The following AKAP13 variants were observed in gnomAD, a reference collection of about 807,000 sequenced individuals.
AKAP13 encodes A-kinase anchoring protein 13, also known as A-kinase anchor protein 13.
A neutral mutation model predicts 264.5 loss-of-function variants in AKAP13; 80 were observed. The observed-to-expected ratio is 0.30, with a 90% CI of 0.25 to 0.36. AKAP13 has a LOEUF of 0.36. Ranked by LOEUF, AKAP13 falls within the 10% of genes least tolerant of loss-of-function variation. AKAP13 has a pLI of 1.00. For missense variants in AKAP13, 3,712 were observed against 3,435.2 expected, an observed-to-expected ratio of 1.08 and a Z score of -2.01; for synonymous variants, 1,380 against 1,250.2, an observed-to-expected ratio of 1.10 and a Z score of -2.19.
At chr15:85,680,001 G>A (rs1156537953) in intron 14 of AKAP13, among the ~76,000 whole-genome samples, 2 of 152,162 alleles carry the variant, frequency 1.3e-5, no homozygotes, top group African/African-American at 4.8e-5. Context: ...CAGTGGAAAA[G>A]TTGAAAATAT....
At chr15:85,694,515 A>T (rs909037836) in intron 17 of AKAP13, among the ~76,000 whole-genome samples, 2 of 152,266 alleles carry the variant, frequency 1.3e-5, no homozygotes, top group Admixed American at 1.3e-4. Flanking sequence ...GTTATGTAAT[A>T]GTTTTTTGAT....
chr15:85,550,376 T>C (rs2077915911), intron 5 of AKAP13, among the ~76,000 whole-genome samples: 3 of 152,206 alleles, frequency 2.0e-5, no homozygotes, highest in Admixed American at 2.0e-4. Flanking sequence ...CCTGACAAGC[T>C]CTAGGTACTC....
At chr15:85,385,850 G>A (rs2150785532) in intron 1 of AKAP13, among the ~76,000 whole-genome samples, 1 of 152,240 alleles carries the variant, frequency 6.6e-6, no homozygotes, top group Middle Eastern at 3.4e-3. Flanking sequence ...TTTCGAGATG[G>A]AGTTTGGCTC....
At chr15:85,381,437 G>T (rs1185811577) in intron 1 of AKAP13, among the ~76,000 whole-genome samples, 5 of 150,832 alleles carry the variant, frequency 3.3e-5, no homozygotes, top group Non-Finnish European at 5.9e-5. Flanking sequence ...TCTGGGACCC[G>T]TGCAGCCAGC....
chr15:85,455,071 T>G (rs1267261720), intron 1 of AKAP13, among the ~76,000 whole-genome samples: 1 of 152,236 alleles, frequency 6.6e-6, no homozygotes, highest in African/African-American at 2.4e-5. Flanking sequence ...GTATCCATAT[T>G]AAATTTCATC....
At chr15:85,432,698 GA>G (rs1596148419) in intron 1 of AKAP13, among the ~76,000 whole-genome samples, 1 of 152,030 alleles carries the variant, frequency 6.6e-6, no homozygotes, top group South Asian at 2.1e-4. Context: ...AATACAAGGT[GA>G]AAAAAATGGT....
chr15:85,629,494 A>ACC (rs1391406121), intron 8 of AKAP13, among the ~76,000 whole-genome samples: 3 of 152,152 alleles, frequency 2.0e-5, no homozygotes, highest in Admixed American at 2.0e-4. Context: ...TCCACCATGA[A>ACC]CCATGCACTT....
intron 5 of AKAP13, among the ~76,000 whole-genome samples, chr15:85,551,388 T>C (rs1298825177): frequency 6.6e-6 from 1 of 152,202 alleles, no homozygotes; most frequent in Admixed American, 6.5e-5. Context: ...TCCCCAGCCC[T>C]TTGAAGGTGG....
At chr15:85,735,481 A>G (rs2088391616) in intron 31 of AKAP13, 79 bp from the exon 32 acceptor site, 2 of 1,445,792 alleles carry the variant, frequency 1.4e-6, no homozygotes, top group Admixed American at 2.0e-5. Flanking sequence ...TACATCCCCA[A>G]GATGCCTATA....
intron 8 of AKAP13, among the ~76,000 whole-genome samples, chr15:85,605,406 A>AG (rs905878231): frequency 3.3e-5 from 5 of 152,162 alleles, no homozygotes; most frequent in African/African-American, 1.2e-4. Flanking sequence ...CTCACTTATA[A>AG]GGGGGAGCTG....
At chr15:85,615,047 G>C (rs1272854669) in intron 8 of AKAP13, among the ~76,000 whole-genome samples, 1 of 152,110 alleles carries the variant, frequency 6.6e-6, no homozygotes, top group Non-Finnish European at 1.5e-5. Context: ...GGTAATTTTA[G>C]TAGAATTTAA....
chr15:85,574,331 C>G (rs908731407), intron 5 of AKAP13, among the ~76,000 whole-genome samples: 2 of 152,168 alleles, frequency 1.3e-5, no homozygotes, highest in Admixed American at 1.3e-4. Context: ...TGTGGTATCA[C>G]AGCAGGCATT....
chr15:85,540,625 G>T (rs142285487), intron 4 of AKAP13, among the ~76,000 whole-genome samples: 4 of 152,344 alleles, frequency 2.6e-5, no homozygotes, highest in East Asian at 1.9e-4. Flanking sequence ...GATCCTAAAT[G>T]ATTGAGCTCT....
intron 14 of AKAP13, among the ~76,000 whole-genome samples, chr15:85,675,815 T>G (rs2084195413): frequency 6.6e-6 from 1 of 152,188 alleles, no homozygotes. Context: ...CCTGAGGGAA[T>G]TGGAATCATT....
At chr15:85,633,550 T>G (rs1158063932) in intron 8 of AKAP13, among the ~76,000 whole-genome samples, 1 of 135,918 alleles carries the variant, frequency 7.4e-6, no homozygotes, top group Non-Finnish European at 1.6e-5. Flanking sequence ...TTTTTTTTTT[T>G]TTTTTTTTTT....
chr15:85,726,600 A>C (rs988468263), intron 27 of AKAP13, 114 bp downstream of exon 27: 10 of 865,132 alleles, frequency 1.2e-5, no homozygotes, highest in Non-Finnish European at 1.4e-5. Flanking sequence ...GGCTCAGGAC[A>C]AATTCCTCTG....
At chr15:85,617,547 G>A (rs1454795848) in intron 8 of AKAP13, among the ~76,000 whole-genome samples, 1 of 152,136 alleles carries the variant, frequency 6.6e-6, no homozygotes, top group African/African-American at 2.4e-5. Context: ...GCCGGTAGGA[G>A]GGTTTTAATG....
intron 10 of AKAP13, among the ~76,000 whole-genome samples, chr15:85,649,163 C>G (rs2082691695): frequency 6.6e-6 from 1 of 152,096 alleles, no homozygotes; most frequent in African/African-American, 2.4e-5. Flanking sequence ...ATTTGTCTGC[C>G]CAGCAACCCT....
At chr15:85,498,221 T>TATATATATATATATATATATATAG (rs2075939722) in intron 2 of AKAP13, among the ~76,000 whole-genome samples, 1 of 105,970 alleles carries the variant, frequency 9.4e-6, no homozygotes, top group South Asian at 2.9e-4. Flanking sequence ...TATATATATA[T>TATATATATATATATATATATATAG]ATATATCACA....
Sources: gnomAD v4.1 joint callset for allele counts (sites outside exome capture counted in the v4.1 genomes callset) on GRCh38, gnomAD v4.1.1 for gene constraint, MANE v1.5 for transcripts, NCBI Gene and HGNC (gene_info 2026-07-23, HGNC 2026-07-21) for gene names.